ADTRP: variants seen among roughly 807,000 people sequenced by gnomAD.
The protein encoded by ADTRP is androgen-dependent TFPI-regulating protein.
A neutral mutation model predicts 27.0 loss-of-function variants in ADTRP; 20 were observed. That is an observed-to-expected ratio of 0.74 (90% CI 0.52 to 1.08). The LOEUF (loss-of-function observed/expected upper bound fraction) is 1.08. ADTRP is among the 50% of genes least tolerant of loss of function. The pLI is 0.00. For synonymous variants in ADTRP, 101 were observed against 105.2 expected, an observed-to-expected ratio of 0.96 and a Z score of 0.25; for missense variants, 251 against 275.0, an observed-to-expected ratio of 0.91 and a Z score of 0.62.
At chr6:11,777,962 T>C (rs1187584717) in intron 1 of ADTRP, among the ~76,000 whole-genome samples, 1 of 152,244 alleles carries the variant, frequency 6.6e-6, no homozygotes, top group Non-Finnish European at 1.5e-5. Flanking sequence ...CTCCCATTCA[T>C]TCACACTTCA....
At chr6:11,726,133 C>T (rs749598604) in intron 4 of ADTRP, among the ~76,000 whole-genome samples, 14 of 152,002 alleles carry the variant, frequency 9.2e-5, no homozygotes, top group African/African-American at 3.1e-4. Context: ...ATAAACCAGT[C>T]GTAAAAGGAC....
In ADTRP at chr6:11,771,468, C is replaced by T. The variant is rs569676822; in HGVS notation, c.154-3085G>A. On this transcript the variant is annotated intron_variant, in intron 1 of 5. Coordinates refer to ENST00000414691, the MANE Select transcript of ADTRP (RefSeq NM_032744.4). Reference sequence around the variant, plus strand: ...CACACGGAGAGCGAGAGAGCCTCTCCCAGGCTCCATGGGGAGGCTTCCAGG... The same window carrying T: ...CACACGGAGAGCGAGAGAGCCTCTCTCAGGCTCCATGGGGAGGCTTCCAGG... Among the ~76,000 whole-genome samples the T allele has an allele frequency of 3.3e-5, 5 of 152,328 alleles. No homozygotes were observed. The South Asian group carries it at 1.0e-3, about 32-fold the overall frequency.
intron 5 of ADTRP, among the ~76,000 whole-genome samples, chr6:11,722,576 A>G (rs1561741050): frequency 6.6e-6 from 1 of 152,116 alleles, no homozygotes; most frequent in Non-Finnish European, 1.5e-5. Context: ...GAAGCAAGTC[A>G]TGGGTGTTTT....
At position 11,770,168 on chromosome 6, in the gene ADTRP, A is replaced by G. The variant is rs1056928902; in HGVS notation, c.154-1785T>C. ...ATTGTGGGAGGTCAGAAGAGAGACAATTATCTCCAGGTGGGAGAATGAACG... is the reference window on the plus strand; with the variant it reads ...ATTGTGGGAGGTCAGAAGAGAGACAGTTATCTCCAGGTGGGAGAATGAACG... On this transcript the variant is annotated intron_variant, in intron 1 of 5. Transcript: ENST00000414691. 22 of 1,290,356 alleles carry G rather than the reference A, an allele frequency of 1.7e-5. No homozygotes were observed. The African/African-American group carries it at 3.1e-4, about 18-fold the overall frequency. 79.9% of individuals were successfully genotyped at this position (1,290,356 alleles called of 1,614,324 possible).
Position 11,749,669 on chromosome 6 carries a change from C to T in ADTRP, c.391-13986G>A, listed in dbSNP as rs572254066. ...GCAGAGTTTCAAGGAGAGAGAGGTG[C>T]CCAGTGCTGCTGAGAGGTGAGGAAG... On this transcript the variant is annotated intron_variant, in intron 3 of 5. Transcript: ENST00000414691. Among the ~76,000 whole-genome samples the T allele has an allele frequency of 2.6e-5, 4 of 152,184 alleles. No homozygotes were observed. The East Asian group carries it at 7.7e-4, about 29-fold the overall frequency.
intron 5 of ADTRP, among the ~76,000 whole-genome samples, chr6:11,715,298 C>A (rs11757650): frequency 0.063 from 9,594 of 152,220 alleles, 380 homozygotes; most frequent in Middle Eastern, 0.13. Context: ...AACCCTGCCA[C>A]CTTCATCAAT....
Position 11,714,532 on chromosome 6 carries a change from G to A in ADTRP, c.659-20C>T, listed in dbSNP as rs747375835. 6.2e-7 allele frequency: 1 copy of A among 1,610,464 alleles called. No homozygotes were observed. Among genetic ancestry groups the A allele is most frequent in the East Asian group, 2.2e-5 (1 of 44,806 alleles). On this transcript the variant is annotated intron_variant, in intron 5 of 5. Coordinates refer to ENST00000414691, the MANE Select transcript of ADTRP (RefSeq NM_032744.4). ...TGTCACCTGTACAAACAAGAACAGAGACAGACCTCAGGCTTCAGGCTTTCC... is the reference window on the plus strand; with the variant it reads ...TGTCACCTGTACAAACAAGAACAGAAACAGACCTCAGGCTTCAGGCTTTCC...
intron 1 of ADTRP, among the ~76,000 whole-genome samples, chr6:11,776,787 G>A (rs1231868395): frequency 5.9e-5 from 9 of 152,210 alleles, no homozygotes; most frequent in Non-Finnish European, 7.3e-5. Context: ...GAGGGAACCC[G>A]AAAGGCTGGT....
At chr6:11,729,820 C>T (rs764857511) in intron 4 of ADTRP, among the ~76,000 whole-genome samples, 22 of 152,128 alleles carry the variant, frequency 1.4e-4, no homozygotes, top group Non-Finnish European at 1.8e-4. Context: ...TACTTATACC[C>T]AAGACGATTA....
chr6:11,758,555 C>T (rs1297108672), intron 3 of ADTRP, among the ~76,000 whole-genome samples: 2 of 78,198 alleles, frequency 2.6e-5, no homozygotes, highest in Non-Finnish European at 4.9e-5. Flanking sequence ...GAACATCACA[C>T]ACCGGGGACT....
intron 5 of ADTRP, among the ~76,000 whole-genome samples, chr6:11,722,964 T>A (rs1762065676): frequency 1.3e-5 from 2 of 152,186 alleles, no homozygotes. Flanking sequence ...AACCTTGATA[T>A]TTTCAAAGCT....
intron 3 of ADTRP, among the ~76,000 whole-genome samples, chr6:11,762,455 G>C (rs1044661311): frequency 1.3e-5 from 2 of 152,208 alleles, no homozygotes; most frequent in South Asian, 4.1e-4. Flanking sequence ...GTACTTAACT[G>C]CTCTTTTTCA....
Position 11,766,267 on chromosome 6 carries a change from C to T in ADTRP, c.390+7G>A, listed in dbSNP as rs1763568090. The T allele has an allele frequency of 6.2e-7, 1 of 1,600,958 alleles. No homozygotes were observed. Among genetic ancestry groups the T allele is most frequent in the Non-Finnish European group, 8.5e-7 (1 of 1,171,332 alleles). On this transcript the variant is annotated splice_region_variant and intron_variant, in intron 3 of 5. Transcript: ENST00000414691. The stretch of plus-strand genomic sequence containing the variant: ...TTCTGAGTTCACTGAATTTTCCCCT[C>T]ACTCACCATTGCATGATTCAGCCAC...
intron 1 of ADTRP, among the ~76,000 whole-genome samples, chr6:11,770,775 T>G (rs956774689): frequency 6.6e-6 from 1 of 152,128 alleles, no homozygotes; most frequent in African/African-American, 2.4e-5. Context: ...AGAAGTTCCC[T>G]CCTCTCTCCC....
intron 1 of ADTRP, among the ~76,000 whole-genome samples, chr6:11,770,989 C>G (rs941845987): frequency 2.2e-4 from 33 of 152,332 alleles, no homozygotes; most frequent in African/African-American, 7.2e-4. Context: ...CGCCTCCGCC[C>G]GGCGTGTGAA....
intron 1 of ADTRP, among the ~76,000 whole-genome samples, chr6:11,770,790 C>A (rs1458764065): frequency 6.6e-6 from 1 of 152,166 alleles, no homozygotes; most frequent in Non-Finnish European, 1.5e-5. Context: ...TCTCCCTCCC[C>A]CACCAGTAGC....
At chr6:11,739,818 G>A (rs186079533) in intron 3 of ADTRP, among the ~76,000 whole-genome samples, 24 of 152,246 alleles carry the variant, frequency 1.6e-4, no homozygotes, top group South Asian at 8.3e-4. Context: ...ACATGGATCC[G>A]ACAGGTCTTT....
intron 3 of ADTRP, chr6:11,755,079 G>A: frequency 2.0e-6 from 2 of 985,374 alleles, no homozygotes; most frequent in Non-Finnish European, 2.4e-6. Context: ...CCGTTGGGGT[G>A]TTACACATGG....
At chr6:11,773,488 TC>T (rs1218220992) in intron 1 of ADTRP, among the ~76,000 whole-genome samples, 1 of 152,206 alleles carries the variant, frequency 6.6e-6, no homozygotes, top group Non-Finnish European at 1.5e-5. Flanking sequence ...TTCAGAGCTG[TC>T]CGGGAGTGCA....
Sources: allele counts gnomAD v4.1 joint callset (sites outside exome capture counted in the v4.1 genomes callset), GRCh38; gene constraint gnomAD v4.1.1; transcripts MANE v1.5; gene names NCBI Gene and HGNC (gene_info 2026-07-23, HGNC 2026-07-21).